MGST3: variants seen among roughly 807,000 people sequenced by gnomAD.
The protein encoded by MGST3 is glutathione S-transferase 3, mitochondrial.
MGST3 carries 13 observed loss-of-function variants against 15.8 expected under a neutral mutation model. The observed-to-expected ratio is 0.82, with a 90% CI of 0.54 to 1.31. The LOEUF (loss-of-function observed/expected upper bound fraction) is 1.31, where lower values mean the gene tolerates loss of function less well. Among genes scored for constraint, MGST3 ranks in the 50% most tolerant of loss-of-function variants. MGST3 has a pLI of 0.00. For synonymous variants in MGST3, 49 were observed against 68.1 expected, an observed-to-expected ratio of 0.72 and a Z score of 1.38; for missense variants, 155 against 192.4, an observed-to-expected ratio of 0.81 and a Z score of 1.15.
chr1:165,652,044 TC>T lies in MGST3; in HGVS notation c.249+11del. 6.2e-7 allele frequency: 1 copy of T among 1,604,132 alleles called. No individual in the cohort carries two copies. The highest frequency in any genetic ancestry group is 8.5e-7 in the Non-Finnish European group (1 of 1,170,924). On this transcript the variant is annotated intron_variant, in intron 4 of 5. Transcript: ENST00000367889. ...GAGGTGTTTACCACCCGGTAAGTTT[TC>T]CAGGAGGTGTTCATCTATTTGGATA...
At chr1:165,643,023 C>T (rs555717874) in intron 1 of MGST3, among the ~76,000 whole-genome samples, 1 of 152,270 alleles carries the variant, frequency 6.6e-6, no homozygotes, top group East Asian at 1.9e-4. Flanking sequence ...TTGGAAATTA[C>T]AGAAAATTAC....
chr1:165,655,296 TG>T (rs1378667332), intron 5 of MGST3, 71 bp from the exon 6 acceptor site: 1 of 1,581,478 alleles, frequency 6.3e-7, no homozygotes, highest in East Asian at 2.3e-5. Context: ...GATGATAGAA[TG>T]GCTTGCGAAT....
chr1:165,654,404 A>G lies in MGST3; in HGVS notation c.322+53A>G, dbSNP rs940709921. The G allele has an allele frequency of 1.9e-6, 3 of 1,545,864 alleles. No individual in the cohort carries two copies. The African/African-American group carries it at 4.1e-5, about 21-fold the overall frequency. On this transcript the variant is annotated intron_variant, in intron 5 of 5. Coordinates refer to ENST00000367889, the MANE Select transcript of MGST3 (RefSeq NM_004528.4). ...AAACAACTTTAAAATTTTAAATCCT[A>G]TGCTGGCCAGGCACAGTGGCTTACA...
rs754175851 is a variant in MGST3, at chr1:165,654,282, A to G, written c.253A>G (p.Ile85Val). 2 of 1,614,078 alleles carry G rather than the reference A, an allele frequency of 1.2e-6. No individual in the cohort carries two copies. Among genetic ancestry groups the G allele is most frequent in the East Asian group, 2.2e-5 (1 of 44,890 alleles). The change falls in exon 5 of 6, where the codon ATA becomes GTA. Residue 85 changes from isoleucine to valine, a missense_variant. Coordinates refer to ENST00000367889, the MANE Select transcript of MGST3 (RefSeq NM_004528.4). ...TAATGTAGCCCTTTTTTCTTAGCGT[A>G]TAGCTTCTGGCCTGGGCTTGGCCTG... ...LAVGGVYHPR[I>V]ASGLGLAWIV... is the part of the protein sequence containing the mutation.
At position 165,652,035 on chromosome 1, in the gene MGST3, G is replaced by A. The variant is rs567360919; in HGVS notation, c.249G>A (p.Pro83=). 22 of 1,611,124 alleles carry A rather than the reference G, an allele frequency of 1.4e-5. No individual in the cohort carries two copies. Among genetic ancestry groups the A allele is most frequent in the African/African-American group, 2.7e-5 (2 of 74,934 alleles). ...TAGCTGTTGGAGGTGTTTACCACCC[G>A]GTAAGTTTTCCAGGAGGTGTTCATC... is the stretch of plus-strand genomic sequence containing the variant. ...FFLAVGGVYH[P]RIASGLGLAW... is the part of the protein sequence containing the mutation. The change falls in exon 4 of 6, where the codon CCG becomes CCA. Residue 83 remains proline (P), a splice_region_variant and synonymous_variant. Transcript: ENST00000367889.
In MGST3 at chr1:165,655,722, C is replaced by A; in HGVS notation, c.*218C>A. ...AGCCACAAGTATTGTGCCCTCTCCT[C>A]ACCCTTCCAGCAGATGCTTCTGTAG... is the stretch of plus-strand genomic sequence containing the variant. On this transcript the variant is annotated 3_prime_UTR_variant, in exon 6 of 6. Transcript: ENST00000367889. The A allele has an allele frequency of 3.4e-6, 2 of 584,140 alleles. No individual in the cohort carries two copies. Among genetic ancestry groups the A allele is most frequent in the South Asian group, 2.1e-5 (1 of 48,660 alleles). 36.2% of individuals were successfully genotyped at this position (584,140 alleles called of 1,614,324 possible).
intron 1 of MGST3, among the ~76,000 whole-genome samples, chr1:165,643,249 G>A (rs1486446748): frequency 1.3e-5 from 2 of 151,806 alleles, no homozygotes; most frequent in Non-Finnish European, 2.9e-5. Flanking sequence ...CTATTTAACG[G>A]GTATATTATT....
chr1:165,647,443 T>C (rs1465903766), intron 1 of MGST3: 1 of 152,106 alleles, frequency 6.6e-6, no homozygotes, highest in East Asian at 1.9e-4. Context: ...GCTGGAGTGT[T>C]TTGGGGGAGA....
chr1:165,632,782 GAC>G (rs1016377145), intron 1 of MGST3, among the ~76,000 whole-genome samples: 27 of 152,060 alleles, frequency 1.8e-4, no homozygotes, highest in Non-Finnish European at 1.2e-4. Context: ...GTTCTGAAAA[GAC>G]ACAATCCTGG....
chr1:165,635,769 C>T (rs1361227519), intron 1 of MGST3: 1 of 152,204 alleles, frequency 6.6e-6, no homozygotes, highest in African/African-American at 2.4e-5. Context: ...AGCTTCCACT[C>T]TCCAAATATT....
At chr1:165,650,116 G>A in intron 2 of MGST3, 152 bp downstream of exon 2, 2 of 1,163,916 alleles carry the variant, frequency 1.7e-6, no homozygotes, top group Non-Finnish European at 2.4e-6. Flanking sequence ...GCTTCTTCAT[G>A]GTAGGAAAGA....
chr1:165,650,098 G>A (rs1557995298), intron 2 of MGST3, 134 bp downstream of exon 2: 1 of 1,318,378 alleles, frequency 7.6e-7, no homozygotes, highest in Non-Finnish European at 1.1e-6. Flanking sequence ...GACTGTGTTA[G>A]CGATTCTGCT....
chr1:165,641,641 T>G (rs1029926220), intron 1 of MGST3, among the ~76,000 whole-genome samples: 2 of 152,234 alleles, frequency 1.3e-5, no homozygotes, highest in Non-Finnish European at 2.9e-5. Flanking sequence ...GTTTATCTAA[T>G]TTAATTCTTC....
intron 3 of MGST3, chr1:165,651,447 C>A (rs540912276): frequency 2.3e-4 from 87 of 371,692 alleles, no homozygotes; most frequent in African/African-American, 1.7e-3. Flanking sequence ...GGACCTTCCA[C>A]TTCCATTTGT....
intron 1 of MGST3, among the ~76,000 whole-genome samples, chr1:165,639,509 A>G (rs1648207014): frequency 6.6e-6 from 1 of 152,266 alleles, no homozygotes; most frequent in South Asian, 2.1e-4. Flanking sequence ...CTGCCATAAA[A>G]GAAGCACTCT....
intron 1 of MGST3, among the ~76,000 whole-genome samples, chr1:165,633,098 G>T (rs1249416944): frequency 2.0e-5 from 3 of 152,138 alleles, no homozygotes; most frequent in Non-Finnish European, 2.9e-5. Context: ...ATACTGCTAC[G>T]GTTTTTGCAG....
chr1:165,634,954 G>A (rs1297113583), intron 1 of MGST3, among the ~76,000 whole-genome samples: 3 of 151,798 alleles, frequency 2.0e-5, no homozygotes, highest in Non-Finnish European at 4.4e-5. Context: ...TGATAGCTAT[G>A]GACTTGAGGC....
intron 5 of MGST3, among the ~76,000 whole-genome samples, 190 bp from the exon 6 acceptor site, chr1:165,655,178 T>G (rs1313307807): frequency 2.0e-5 from 3 of 152,234 alleles, no homozygotes; most frequent in African/African-American, 7.2e-5. Context: ...CAAGCAATAC[T>G]ACTGTGGCAC....
intron 1 of MGST3, among the ~76,000 whole-genome samples, chr1:165,640,172 G>A (rs1648224920): frequency 6.6e-6 from 1 of 152,114 alleles, no homozygotes; most frequent in Non-Finnish European, 1.5e-5. Flanking sequence ...GTAACCCAAT[G>A]GTGGTCACAG....
Sources: allele counts gnomAD v4.1 joint callset (sites outside exome capture counted in the v4.1 genomes callset), GRCh38; gene constraint gnomAD v4.1.1; transcripts MANE v1.5; gene names NCBI Gene and HGNC (gene_info 2026-07-23, HGNC 2026-07-21).